OCIAD1: variants seen among roughly 807,000 people sequenced by gnomAD.
OCIAD1 encodes OCIA domain containing 1.
Under a neutral mutation model 38.9 loss-of-function variants are expected in OCIAD1, and 29 were observed. The observed-to-expected ratio is 0.74, with a 90% CI of 0.55 to 1.02. The LOEUF (loss-of-function observed/expected upper bound fraction) is 1.02. Ranked by LOEUF, OCIAD1 falls within the 50% of genes least tolerant of loss-of-function variation. OCIAD1 has a pLI of 0.00. For synonymous variants in OCIAD1, 110 were observed against 92.0 expected (o/e 1.20, Z -1.12); for missense variants, 288 against 289.6 (o/e 0.99, Z 0.04).
At chr4:48,851,053 T>G (rs141295590) in intron 6 of OCIAD1, among the ~76,000 whole-genome samples, 2 of 152,372 alleles carry the variant, frequency 1.3e-5, no homozygotes, top group African/African-American at 2.4e-5. Context: ...TTTTAATGCT[T>G]CTTAAACAGA....
chr4:48,841,349 G>T (rs1778512263), intron 3 of OCIAD1, among the ~76,000 whole-genome samples: 1 of 152,180 alleles, frequency 6.6e-6, no homozygotes, highest in Non-Finnish European at 1.5e-5. Context: ...TGCAGTGAAA[G>T]GATATAAAGC....
chr4:48,808,440 A>G lies in OCIAD1; in HGVS notation c.-103+3110A>G, dbSNP rs7679963. The stretch of plus-strand genomic sequence containing the variant: ...AATGGTGATTGCACCACTGCACTCC[A>G]GCCTGGGTGACAGGGTGAGACCTTA... On this transcript the variant is annotated intron_variant, in intron 1 of 6. Coordinates refer to the OCIAD1 transcript ENST00000504654. 6.6e-3 allele frequency among the ~76,000 whole-genome samples: 1,001 copies of G among 152,258 alleles called. 14 individuals carry two copies. Among genetic ancestry groups the G allele is most frequent in the African/African-American group, 0.023 (962 of 41,550 alleles).
At chr4:48,858,831 C>G (rs1470093865) in intron 8 of OCIAD1, among the ~76,000 whole-genome samples, 1 of 152,104 alleles carries the variant, frequency 6.6e-6, no homozygotes. Flanking sequence ...TTTTTAAATC[C>G]TGGTTTCTTT....
chr4:48,852,207 T>C lies in OCIAD1; in HGVS notation c.547+232T>C, dbSNP rs1779545909. On this transcript the variant is annotated intron_variant, in intron 7 of 8. Transcript: ENST00000264312. Reference sequence around the variant, plus strand: ...GAAGATGAATAACACTTGGTTCTTGTCCCTGAAAAACTTTCAGTCTGTTAG... The same window carrying C: ...GAAGATGAATAACACTTGGTTCTTGCCCCTGAAAAACTTTCAGTCTGTTAG... The C allele has an allele frequency of 1.5e-5, 6 of 391,860 alleles. No homozygotes were observed. In the South Asian group the frequency reaches 5.0e-4, roughly 33 times the overall value. 24.3% of individuals were successfully genotyped at this position (391,860 alleles called of 1,614,324 possible). A position where few individuals can be genotyped will look rare whatever the true frequency, so the allele number is the denominator to read the frequency against.
At chr4:48,852,002 C>T (rs376977929) in intron 7 of OCIAD1, 27 bp downstream of exon 7, 1 of 1,559,616 alleles carries the variant, frequency 6.4e-7, no homozygotes, top group Non-Finnish European at 8.7e-7. Flanking sequence ...AAATGAATTT[C>T]AACATTTTAT....
At chr4:48,848,311 ATGT>A in intron 4 of OCIAD1, 85 bp from the exon 5 acceptor site, 2 of 660,816 alleles carry the variant, frequency 3.0e-6, no homozygotes, top group South Asian at 3.8e-5. Context: ...GAAGGAGCTA[ATGT>A]TGTAAGATTA....
intron 7 of OCIAD1, chr4:48,856,136 T>C (rs1579115244): frequency 6.6e-6 from 1 of 152,110 alleles, no homozygotes; most frequent in East Asian, 1.9e-4. Flanking sequence ...ATAAACTATG[T>C]TCACTATTTG....
intron 1 of OCIAD1, among the ~76,000 whole-genome samples, chr4:48,807,465 T>C (rs1777040990): frequency 6.6e-6 from 1 of 152,180 alleles, no homozygotes; most frequent in African/African-American, 2.4e-5. Flanking sequence ...AGAGTGAGGA[T>C]AATAGTACCA....
intron 4 of OCIAD1, among the ~76,000 whole-genome samples, chr4:48,845,449 G>A (rs1029364750): frequency 6.6e-6 from 1 of 152,128 alleles, no homozygotes; most frequent in African/African-American, 2.4e-5. Flanking sequence ...TGGCTTCCAT[G>A]ATGGCATATT....
chr4:48,841,138 G>T (rs1373044176), intron 3 of OCIAD1, among the ~76,000 whole-genome samples: 1 of 152,192 alleles, frequency 6.6e-6, no homozygotes, highest in African/African-American at 2.4e-5. Flanking sequence ...ACACAGCTAC[G>T]TTCATGTGTT....
At chr4:48,857,456 G>A in intron 8 of OCIAD1, 91 bp downstream of exon 8, 1 of 685,630 alleles carries the variant, frequency 1.5e-6, no homozygotes, top group African/African-American at 1.9e-5. Flanking sequence ...TAATTAATAT[G>A]TGATTTAACT....
chr4:48,812,312 A>G (rs1316882803), intron 1 of OCIAD1, among the ~76,000 whole-genome samples: 2 of 147,768 alleles, frequency 1.4e-5, no homozygotes, highest in Non-Finnish European at 3.0e-5. Flanking sequence ...AAAAAAAAAA[A>G]AAAAGAAAAG....
At chr4:48,831,511 C>G (rs1283183999) in intron 1 of OCIAD1, 4 of 1,290,652 alleles carry the variant, frequency 3.1e-6, no homozygotes, top group Non-Finnish European at 4.0e-6. Flanking sequence ...GAGACGGACA[C>G]TGGGTGGAGG....
At chr4:48,813,329 GGTAA>G (rs1418131275) in intron 1 of OCIAD1, among the ~76,000 whole-genome samples, 2 of 152,158 alleles carry the variant, frequency 1.3e-5, no homozygotes, top group Non-Finnish European at 2.9e-5. Flanking sequence ...ATTGTGATGT[GGTAA>G]GTGTTATCCT....
At chr4:48,821,596 A>G (rs556437936) in intron 1 of OCIAD1, among the ~76,000 whole-genome samples, 1 of 152,326 alleles carries the variant, frequency 6.6e-6, no homozygotes, top group South Asian at 2.1e-4. Context: ...GAAAAGAGGA[A>G]GTCAAATTGT....
intron 1 of OCIAD1, among the ~76,000 whole-genome samples, chr4:48,810,370 G>A (rs1013519641): frequency 6.0e-5 from 9 of 150,972 alleles, no homozygotes; most frequent in East Asian, 2.0e-4. Context: ...TCGGGAGGCC[G>A]AGGCAGGAGA....
chr4:48,818,181 A>C (rs1219733508), intron 1 of OCIAD1, among the ~76,000 whole-genome samples: 1 of 152,132 alleles, frequency 6.6e-6, no homozygotes, highest in Non-Finnish European at 1.5e-5. Flanking sequence ...GCTCCAGCTG[A>C]TATCAGGCCA....
chr4:48,857,197 CT>C lies in OCIAD1; in HGVS notation c.548-15del. On this transcript the variant is annotated splice_polypyrimidine_tract_variant and intron_variant, in intron 7 of 8. Coordinates refer to ENST00000264312, the MANE Select transcript of OCIAD1 (RefSeq NM_017830.4). ...AAATCCTTTTATTACCATTTATTAA[CT>C]GTTTGTTGTTTTAGGACCTGATCCC... 2.0e-6 allele frequency: 3 copies of C among 1,488,954 alleles called. No homozygotes were observed. Among genetic ancestry groups the C allele is most frequent in the Non-Finnish European group, 2.7e-6 (3 of 1,115,124 alleles). 92.2% of individuals were successfully genotyped at this position (1,488,954 alleles called of 1,614,324 possible).
At chr4:48,812,282 C>CAAAAAAAAAAAAAAAAAA (rs397881494) in intron 1 of OCIAD1, among the ~76,000 whole-genome samples, 5 of 25,076 alleles carry the variant, frequency 2.0e-4, no homozygotes, top group African/African-American at 2.0e-4. Flanking sequence ...GAGTTGGTCT[C>CAAAAAAAAAAAAAAAAAA]AAAAAAAAAA....
Sources: allele counts gnomAD v4.1 joint callset (sites outside exome capture counted in the v4.1 genomes callset), GRCh38; gene constraint gnomAD v4.1.1; transcripts MANE v1.5; gene names NCBI Gene and HGNC (gene_info 2026-07-23, HGNC 2026-07-21).